The following GRIN2D variants were observed in gnomAD, a reference collection of about 807,000 sequenced individuals.
GRIN2D encodes the protein glutamate receptor ionotropic, NMDA 2D.
GRIN2D carries 37 observed loss-of-function variants against 103.2 expected under a neutral mutation model. The observed-to-expected ratio is 0.36, with a 90% CI of 0.28 to 0.47. GRIN2D has a LOEUF of 0.47. GRIN2D is among the 20% of genes least tolerant of loss of function. The pLI is 1.00. For synonymous variants in GRIN2D, 845 were observed against 885.6 expected (o/e 0.95, Z 0.81); for missense variants, 1,557 against 1,910.6 (o/e 0.81, Z 3.45).
intron 4 of GRIN2D, among the ~76,000 whole-genome samples, chr19:48,410,151 T>C (rs2147446370): frequency 6.6e-6 from 1 of 150,382 alleles, no homozygotes; most frequent in South Asian, 2.1e-4. Context: ...GAAACGAGCA[T>C]ATGCAAAAAC....
chr19:48,404,674 A>G (rs1478396762), intron 3 of GRIN2D, 60 bp from the exon 4 acceptor site: 2 of 1,495,898 alleles, frequency 1.3e-6, no homozygotes, highest in Non-Finnish European at 1.8e-6. Flanking sequence ...CCCCTTATTC[A>G]TTGCTGAGAA....
intron 12 of GRIN2D, 39 bp downstream of exon 12, chr19:48,441,995 GA>G: frequency 1.9e-6 from 3 of 1,568,808 alleles, no homozygotes; most frequent in Non-Finnish European, 8.7e-7. Context: ...CGGAGAGGGG[GA>G]GGGCGAGGCC....
chr19:48,426,224 C>CTTTTTTTTTTTTTTTCT lies in GRIN2D; in HGVS notation c.2252+4294_2252+4295insCTTTTTTTTTTTTTTTT, dbSNP rs1555893890. On this transcript the variant is annotated intron_variant, in intron 11 of 13. Transcript: ENST00000263269. ...TTTCTTTTTCTTTCTTTCTTTCTTTCTTTTTTTTTTTTTTTTTCTGAAACA... is the reference window on the plus strand; with the variant it reads ...TTTCTTTTTCTTTCTTTCTTTCTTTCTTTTTTTTTTTTTTTCTTTTTTTTTTTTTTTTTTCTGAAACA... Among the ~76,000 whole-genome samples the CTTTTTTTTTTTTTTTCT allele has an allele frequency of 1.7e-5, 2 of 120,118 alleles. 1 individual carries two copies. Among genetic ancestry groups the CTTTTTTTTTTTTTTTCT allele is most frequent in the Non-Finnish European group, 3.4e-5 (2 of 59,492 alleles). 78.8% of individuals were successfully genotyped at this position (120,118 alleles called of 152,430 possible).
intron 8 of GRIN2D, among the ~76,000 whole-genome samples, chr19:48,418,394 G>GTGA (rs1970974108): frequency 6.6e-6 from 1 of 152,118 alleles, no homozygotes; most frequent in Admixed American, 6.6e-5. Flanking sequence ...AAAGGAGAGT[G>GTGA]TGACAAGGCT....
chr19:48,416,703 G>A (rs1269550171), intron 8 of GRIN2D, among the ~76,000 whole-genome samples: 1 of 151,464 alleles, frequency 6.6e-6, no homozygotes, highest in Non-Finnish European at 1.5e-5. Flanking sequence ...TCAGCCTTGT[G>A]AAGGAGGCAG....
intron 11 of GRIN2D, among the ~76,000 whole-genome samples, chr19:48,435,989 T>A (rs1357858436): frequency 6.6e-6 from 1 of 152,206 alleles, no homozygotes. Context: ...GACTGGAGGT[T>A]GCAGTATCAA....
intron 8 of GRIN2D, 75 bp from the exon 9 acceptor site, chr19:48,419,159 G>A (rs1288388762): frequency 9.0e-6 from 13 of 1,441,954 alleles, no homozygotes; most frequent in Non-Finnish European, 1.1e-5. Flanking sequence ...GAGTACAGGC[G>A]TGAGGCACCG....
intron 11 of GRIN2D, among the ~76,000 whole-genome samples, chr19:48,431,507 T>A (rs554160092): frequency 6.6e-6 from 1 of 152,292 alleles, no homozygotes; most frequent in African/African-American, 2.4e-5. Context: ...TTCCTATGCC[T>A]TTGTATGTAA....
intron 8 of GRIN2D, among the ~76,000 whole-genome samples, chr19:48,418,462 G>A (rs1970974759): frequency 6.6e-6 from 1 of 152,148 alleles, no homozygotes; most frequent in African/African-American, 2.4e-5. Flanking sequence ...CTGTAAGCAG[G>A]GGAGGGGCCA....
At chr19:48,439,794 T>G (rs1377558992) in intron 11 of GRIN2D, among the ~76,000 whole-genome samples, 1 of 152,112 alleles carries the variant, frequency 6.6e-6, no homozygotes, top group Non-Finnish European at 1.5e-5. Flanking sequence ...AAGTACAGAA[T>G]TAGCCAGGCG....
intron 11 of GRIN2D, among the ~76,000 whole-genome samples, chr19:48,437,053 G>A (rs1163982609): frequency 6.6e-6 from 1 of 152,172 alleles, no homozygotes; most frequent in Non-Finnish European, 1.5e-5. Flanking sequence ...GACGGATGCA[G>A]GGAATTTTAA....
At position 48,419,375 on chromosome 19, in the gene GRIN2D, T is replaced by A; in HGVS notation, c.1861+16T>A. The A allele has an allele frequency of 6.3e-7, 1 of 1,589,936 alleles. No individual in the cohort carries two copies. Among genetic ancestry groups the A allele is most frequent in the South Asian group, 1.1e-5 (1 of 90,530 alleles). On this transcript the variant is annotated intron_variant, in intron 9 of 13. Coordinates refer to ENST00000263269, the MANE Select transcript of GRIN2D (RefSeq NM_000836.4). The stretch of plus-strand genomic sequence containing the variant: ...ACGGGCAAGCGTGAGTCCCCCTTCC[T>A]CCATCCCCCGCCTCGGAGATCCCGA...
intron 10 of GRIN2D, 57 bp downstream of exon 10, chr19:48,419,871 C>T: frequency 1.1e-6 from 1 of 899,428 alleles, no homozygotes; most frequent in Non-Finnish European, 1.6e-6. Context: ...GGTCACAGAG[C>T]TTGTCATGTG....
intron 8 of GRIN2D, among the ~76,000 whole-genome samples, chr19:48,417,783 C>G (rs1247036942): frequency 2.0e-5 from 3 of 152,196 alleles, no homozygotes; most frequent in Non-Finnish European, 4.4e-5. Context: ...GCTGACCTTG[C>G]TGTGACGGGG....
In GRIN2D at chr19:48,443,791, G is replaced by T; in HGVS notation, c.3865G>T (p.Gly1289Trp). ...PRAAPARRLT[G>W]PSRHARRCPH... ...CGCCGCCCCTGCGCGCAGGCTTACC[G>T]GGCCCTCCCGCCACGCTCGCAGGTG... Residue 1289 changes from glycine to tryptophan, a missense_variant, in exon 14 of 14, where the codon GGG becomes TGG. Coordinates refer to ENST00000263269, the MANE Select transcript of GRIN2D (RefSeq NM_000836.4). This position sits in a 1 kb window ranked among gnomAD's most constrained non-coding sequence, Gnocchi z 8.9. The T allele has an allele frequency of 6.8e-7, 1 of 1,467,132 alleles. No individual in the cohort carries two copies. Among genetic ancestry groups the T allele is most frequent in the Non-Finnish European group, 9.0e-7 (1 of 1,116,726 alleles). The allele number at this position is 1,467,132 out of a possible 1,614,324, so 90.9% of individuals were successfully genotyped here.
intron 4 of GRIN2D, among the ~76,000 whole-genome samples, chr19:48,406,683 A>G (rs568856326): frequency 4.7e-4 from 71 of 152,342 alleles, no homozygotes; most frequent in Admixed American, 9.2e-4. Context: ...CAAAGAACGC[A>G]GGGTCCTGTA....
At chr19:48,426,773 C>T (rs1015899999) in intron 11 of GRIN2D, among the ~76,000 whole-genome samples, 15 of 151,304 alleles carry the variant, frequency 9.9e-5, no homozygotes, top group Admixed American at 2.0e-4. Context: ...TTAGTAAAGA[C>T]GGGGTCTCAC....
intron 11 of GRIN2D, among the ~76,000 whole-genome samples, chr19:48,426,407 G>A (rs927483809): frequency 6.6e-6 from 1 of 151,192 alleles, no homozygotes; most frequent in Admixed American, 6.6e-5. Flanking sequence ...TGTATGTTTA[G>A]TAGAGATGGG....
At chr19:48,423,882 T>C (rs1971053618) in intron 11 of GRIN2D, among the ~76,000 whole-genome samples, 1 of 152,134 alleles carries the variant, frequency 6.6e-6, no homozygotes, top group Non-Finnish European at 1.5e-5. Context: ...AGTAGTTCGA[T>C]CTCAGCTCAC....
Sources: gnomAD v4.1 joint callset for allele counts (sites outside exome capture counted in the v4.1 genomes callset) on GRCh38, gnomAD v4.1.1 for gene constraint, Gnocchi (gnomAD v3.1) non-coding constraint, MANE v1.5 for transcripts, NCBI Gene and HGNC (gene_info 2026-07-23, HGNC 2026-07-21) for gene names.